Variants in NAALADL2 observed in about 807,000 individuals in gnomAD.
NAALADL2 encodes N-acetylated alpha-linked acidic dipeptidase like 2.
A neutral mutation model predicts 87.2 loss-of-function variants in NAALADL2; 76 were observed. The ratio of observed to expected loss-of-function variants is 0.87; its 90% CI spans 0.72 to 1.05. The LOEUF (loss-of-function observed/expected upper bound fraction) is 1.05. Among genes scored for constraint, NAALADL2 ranks in the 50% least tolerant of loss-of-function variants. The probability of loss-of-function intolerance (pLI) is 0.00; values close to 1 mark genes in which losing one functional copy is unlikely to be tolerated. For missense variants in NAALADL2, 1,089 were observed against 945.8 expected (o/e 1.15, Z -1.99); for synonymous variants, 354 against 331.0 (o/e 1.07, Z -0.75).
intron 13 of NAALADL2, among the ~76,000 whole-genome samples, chr3:175,766,276 G>T (rs1043710521): frequency 2.0e-5 from 3 of 152,070 alleles, no homozygotes; most frequent in African/African-American, 7.2e-5. Context: ...ATATTTGTCT[G>T]CTAAGTCTCA....
chr3:175,266,342 A>T (rs904806380), intron 4 of NAALADL2, among the ~76,000 whole-genome samples: 2 of 149,804 alleles, frequency 1.3e-5, no homozygotes, highest in Non-Finnish European at 3.0e-5. Context: ...TTACATTTTA[A>T]ATCAATTTTT....
intron 3 of NAALADL2, among the ~76,000 whole-genome samples, chr3:174,775,779 A>C (rs1715136763): frequency 6.6e-6 from 1 of 152,106 alleles, no homozygotes; most frequent in Admixed American, 6.6e-5. Flanking sequence ...ACTTGCCCTG[A>C]TAATAAGGTG....
chr3:175,201,840 G>C (rs1263716512), intron 2 of NAALADL2, among the ~76,000 whole-genome samples: 1 of 151,038 alleles, frequency 6.6e-6, no homozygotes, highest in Non-Finnish European at 1.5e-5. Context: ...TGTTGCTAAA[G>C]GGAATGGCAG....
chr3:175,319,548 G>C (rs546352952), intron 4 of NAALADL2, among the ~76,000 whole-genome samples: 1 of 152,278 alleles, frequency 6.6e-6, no homozygotes, highest in Admixed American at 6.5e-5. Context: ...GGCAGGGCGC[G>C]GTGGCTCACA....
intron 2 of NAALADL2, among the ~76,000 whole-genome samples, chr3:174,727,607 A>G (rs1732326906): frequency 6.6e-6 from 1 of 152,100 alleles, no homozygotes; most frequent in African/African-American, 2.4e-5. Context: ...AATTCAACAG[A>G]AAGAACAGAG....
intron 4 of NAALADL2, among the ~76,000 whole-genome samples, chr3:175,312,442 G>A (rs1758501218): frequency 6.7e-6 from 1 of 150,130 alleles, no homozygotes; most frequent in African/African-American, 2.5e-5. Flanking sequence ...CAAAAATCCA[G>A]TTCTTTTTTT....
intron 2 of NAALADL2, among the ~76,000 whole-genome samples, chr3:174,554,512 T>C (rs2108497783): frequency 6.6e-6 from 1 of 152,164 alleles, no homozygotes; most frequent in East Asian, 1.9e-4. Flanking sequence ...CTCCTTCCTT[T>C]CTTCTTTCCC....
intron 11 of NAALADL2, among the ~76,000 whole-genome samples, chr3:175,697,215 C>T (rs1737925192): frequency 6.6e-6 from 1 of 151,986 alleles, no homozygotes; most frequent in Non-Finnish European, 1.5e-5. Context: ...CTTTGCCTGC[C>T]ATCTTGAGCT....
intron 2 of NAALADL2, among the ~76,000 whole-genome samples, chr3:174,568,866 A>G (rs911157946): frequency 2.0e-5 from 3 of 151,410 alleles, no homozygotes; most frequent in Admixed American, 1.3e-4. Context: ...AGAATATTTT[A>G]GAATTTTAGA....
intron 1 of NAALADL2, among the ~76,000 whole-genome samples, chr3:174,922,467 A>G (rs1735382970): frequency 6.6e-6 from 1 of 152,170 alleles, no homozygotes; most frequent in African/African-American, 2.4e-5. Context: ...CCACAGGGAA[A>G]TCTTCAAGAC....
chr3:174,989,125 A>G (rs1357098613), intron 1 of NAALADL2, among the ~76,000 whole-genome samples: 1 of 152,278 alleles, frequency 6.6e-6, no homozygotes, highest in Non-Finnish European at 1.5e-5. Context: ...ATACAGTGAG[A>G]ACTCACTCAT....
chr3:174,638,119 T>C (rs916918566), intron 2 of NAALADL2, among the ~76,000 whole-genome samples: 4 of 152,164 alleles, frequency 2.6e-5, no homozygotes, highest in Admixed American at 6.5e-5. Context: ...GTAGATATAA[T>C]TTAAATAAAA....
At chr3:174,827,078 A>G (rs1025889301) in intron 3 of NAALADL2, among the ~76,000 whole-genome samples, 3 of 152,150 alleles carry the variant, frequency 2.0e-5, no homozygotes, top group Non-Finnish European at 2.9e-5. Context: ...CTTGAGTTCA[A>G]TCTTCTCTTC....
intron 11 of NAALADL2, among the ~76,000 whole-genome samples, chr3:175,654,021 GT>G (rs199665157): frequency 0.018 from 2,721 of 152,206 alleles, 25 homozygotes; most frequent in Middle Eastern, 0.024. Flanking sequence ...CAGAAAAAGG[GT>G]TTTTATTGTT....
intron 2 of NAALADL2, among the ~76,000 whole-genome samples, chr3:175,214,918 A>G (rs892053573): frequency 1.3e-5 from 2 of 152,168 alleles, no homozygotes; most frequent in Non-Finnish European, 1.5e-5. Flanking sequence ...TACTTGACAC[A>G]CACAAAAAAA....
chr3:175,471,657 C>A lies in NAALADL2; in HGVS notation c.1552C>A (p.Gln518Lys). 6.6e-7 allele frequency: 1 copy of A among 1,517,292 alleles called. No individual in the cohort carries two copies. The highest frequency in any genetic ancestry group is 2.3e-5 in the East Asian group (1 of 43,948). 94.0% of individuals were successfully genotyped at this position (1,517,292 alleles called of 1,614,324 possible). A position where few individuals can be genotyped will look rare whatever the true frequency, so the allele number is the denominator to read the frequency against. The part of the protein sequence containing the change: ...EWGEDFKKVL[Q>K]KNVVAYISLH... The stretch of plus-strand genomic sequence containing the variant: ...ATTTCAGGATTTCAAGAAGGTTCTT[C>A]AGAAAAATGTTGTGGCTTATATTAG... The change falls in exon 9 of 14, where the codon CAG becomes AAG. Residue 518 changes from glutamine (Q) to lysine (K), a missense_variant. Physicochemically the swap from Gln to Lys is moderately conservative, Grantham distance 53. Coordinates refer to ENST00000454872, the MANE Select transcript of NAALADL2 (RefSeq NM_207015.3).
chr3:175,793,339 C>T (rs1451171711), intron 13 of NAALADL2, among the ~76,000 whole-genome samples: 1 of 140,662 alleles, frequency 7.1e-6, no homozygotes, highest in Non-Finnish European at 1.5e-5. Flanking sequence ...GACGGAGTCT[C>T]TCTCTGTCGC....
chr3:174,964,004 A>G (rs2108573489), intron 1 of NAALADL2, among the ~76,000 whole-genome samples: 1 of 149,368 alleles, frequency 6.7e-6, no homozygotes, highest in East Asian at 1.9e-4. Context: ...TTATTTCTCC[A>G]TACTTTTTCG....
intron 3 of NAALADL2, among the ~76,000 whole-genome samples, chr3:175,252,564 C>T (rs1749246037): frequency 6.6e-6 from 1 of 152,102 alleles, no homozygotes; most frequent in African/African-American, 2.4e-5. Context: ...ATTAAGAATC[C>T]TACAATGGCC....
Sources: gnomAD v4.1 joint callset for allele counts (sites outside exome capture counted in the v4.1 genomes callset) on GRCh38, gnomAD v4.1.1 for gene constraint, MANE v1.5 for transcripts, NCBI Gene and HGNC (gene_info 2026-07-23, HGNC 2026-07-21) for gene names.